Variants in GMCL1 observed in about 807,000 individuals in gnomAD.
GMCL1 encodes the protein germ cell-less protein-like 1.
A neutral mutation model predicts 75.5 loss-of-function variants in GMCL1; 54 were observed. The ratio of observed to expected loss-of-function variants is 0.71; its 90% CI spans 0.57 to 0.90. GMCL1 has a LOEUF of 0.90. Ranked by LOEUF, GMCL1 falls within the 40% of genes least tolerant of loss-of-function variation. The pLI is 0.00. For synonymous variants in GMCL1, 210 were observed against 209.6 expected (o/e 1.00, Z -0.02); for missense variants, 537 against 622.7 (o/e 0.86, Z 1.47).
intron 1 of GMCL1, among the ~76,000 whole-genome samples, chr2:69,836,215 G>A (rs531667183): frequency 1.3e-5 from 2 of 152,170 alleles, no homozygotes; most frequent in Non-Finnish European, 2.9e-5. Flanking sequence ...TTTTTTGGCT[G>A]TGGCTGTCAC....
intron 13 of GMCL1, among the ~76,000 whole-genome samples, 190 bp from the exon 14 acceptor site, chr2:69,878,719 T>C (rs1321592379): frequency 6.6e-6 from 1 of 152,188 alleles, no homozygotes; most frequent in Non-Finnish European, 1.5e-5. Flanking sequence ...CAGGTACTCT[T>C]ACTGTCCCCA....
At chr2:69,845,934 C>T (rs1205869827) in intron 6 of GMCL1, among the ~76,000 whole-genome samples, 1 of 150,414 alleles carries the variant, frequency 6.6e-6, no homozygotes, top group African/African-American at 2.4e-5. Context: ...TACATAGCTT[C>T]CCAGAATGTG....
chr2:69,850,659 A>G (rs1273823439), intron 8 of GMCL1, among the ~76,000 whole-genome samples: 1 of 152,186 alleles, frequency 6.6e-6, no homozygotes, highest in East Asian at 1.9e-4. Flanking sequence ...TGCACCATGT[A>G]TATACGTCTT....
chr2:69,834,399 A>G (rs1674758842), intron 1 of GMCL1, among the ~76,000 whole-genome samples: 1 of 152,186 alleles, frequency 6.6e-6, no homozygotes, highest in Non-Finnish European at 1.5e-5. Flanking sequence ...TTTAGGAACT[A>G]TTTAATACAT....
At chr2:69,869,520 T>A (rs1675923563) in intron 11 of GMCL1, 199 bp from the exon 12 acceptor site, 1 of 505,474 alleles carries the variant, frequency 2.0e-6, no homozygotes, top group Non-Finnish European at 3.5e-6. Flanking sequence ...TAGAGAATTA[T>A]GATCATTAAG....
At chr2:69,833,791 A>G (rs961951686) in intron 1 of GMCL1, among the ~76,000 whole-genome samples, 5 of 152,152 alleles carry the variant, frequency 3.3e-5, no homozygotes, top group Admixed American at 1.3e-4. Context: ...TGTCAACTGC[A>G]TGTTCTACTT....
At chr2:69,849,290 C>T (rs1441597111) in intron 7 of GMCL1, among the ~76,000 whole-genome samples, 1 of 152,134 alleles carries the variant, frequency 6.6e-6, no homozygotes, top group African/African-American at 2.4e-5. Flanking sequence ...TCACCTCAGC[C>T]TCTTGAGTAG....
chr2:69,853,489 G>T (rs1482664936), intron 8 of GMCL1, among the ~76,000 whole-genome samples: 1 of 152,128 alleles, frequency 6.6e-6, no homozygotes, highest in African/African-American at 2.4e-5. Context: ...ACACCTTCTG[G>T]TCTACAGAAA....
chr2:69,876,152 A>T (rs1057460822), intron 13 of GMCL1, among the ~76,000 whole-genome samples: 1 of 152,208 alleles, frequency 6.6e-6, no homozygotes, highest in Non-Finnish European at 1.5e-5. Context: ...TCAGACAGCA[A>T]TGTGTAGGAA....
chr2:69,847,526 C>G lies in GMCL1; in HGVS notation c.759-17C>G, dbSNP rs1284594966. ...GTGCCTAAAGATAAGCTCACTCCCT[C>G]TATTTATCCTTTTCAGTATAAATGT... is the stretch of plus-strand genomic sequence containing the variant. On this transcript the variant is annotated splice_polypyrimidine_tract_variant and intron_variant, in intron 6 of 13. Coordinates refer to ENST00000282570, the MANE Select transcript of GMCL1 (RefSeq NM_178439.5). 2 of 1,503,610 alleles carry G rather than the reference C, an allele frequency of 1.3e-6. No individual in the cohort carries two copies. The highest frequency in any genetic ancestry group is 1.7e-5 in the Admixed American group (1 of 59,814). The allele number at this position is 1,503,610 out of a possible 1,614,324, so 93.1% of individuals were successfully genotyped here.
intron 13 of GMCL1, among the ~76,000 whole-genome samples, chr2:69,876,761 A>T (rs1271209865): frequency 1.3e-5 from 2 of 152,148 alleles, no homozygotes; most frequent in Non-Finnish European, 2.9e-5. Context: ...GACCAAGGCC[A>T]GAGGATTGCT....
At position 69,854,847 on chromosome 2, in the gene GMCL1, A is replaced by G. The variant is rs1207954022; in HGVS notation, c.959A>G (p.Glu320Gly). 1 of 1,610,300 alleles carries G rather than the reference A, an allele frequency of 6.2e-7. No homozygotes were observed. ...GATTTTGAAGGTATGGCCTTTCTTGAAACTGAACAAGGAAAACCATTTGTG... is the reference window on the plus strand; with the variant it reads ...GATTTTGAAGGTATGGCCTTTCTTGGAACTGAACAAGGAAAACCATTTGTG... ...RKDFEGMAFL[E>G]TEQGKPFVSV... The change falls in exon 9 of 14, where the codon GAA becomes GGA. Residue 320 changes from glutamate (E) to glycine (G), a missense_variant. Glu to Gly is a moderately conservative substitution (Grantham distance 98). This residue lies in a region of GMCL1 where 345 missense variants were observed against 410.5 expected (regional missense o/e 0.84). Coordinates refer to ENST00000282570, the MANE Select transcript of GMCL1 (RefSeq NM_178439.5).
At chr2:69,858,403 A>G (rs1675542286) in intron 9 of GMCL1, among the ~76,000 whole-genome samples, 1 of 152,200 alleles carries the variant, frequency 6.6e-6, no homozygotes, top group African/African-American at 2.4e-5. Flanking sequence ...AATTTAGTCT[A>G]CTTAGTCAAA....
chr2:69,843,511 G>A (rs566772408), intron 5 of GMCL1, among the ~76,000 whole-genome samples: 7 of 152,250 alleles, frequency 4.6e-5, no homozygotes, highest in Middle Eastern at 3.4e-3. Flanking sequence ...CACCTTGGTC[G>A]GGTGTGGTGG....
Position 69,871,845 on chromosome 2 carries a change from A to G in GMCL1, c.1452+13A>G. On this transcript the variant is annotated intron_variant, in intron 13 of 13. Coordinates refer to ENST00000282570, the MANE Select transcript of GMCL1 (RefSeq NM_178439.5). ...TGAAAAGGATCAGGTATGTTCGATT[A>G]TCTTCTGGTATGTCATCATAATATT... The G allele has an allele frequency of 1.4e-6, 2 of 1,404,930 alleles. No homozygotes were observed. Among genetic ancestry groups the G allele is most frequent in the Non-Finnish European group, 9.9e-7 (1 of 1,006,062 alleles). The allele number at this position is 1,404,930 out of a possible 1,614,324, so 87.0% of individuals were successfully genotyped here.
chr2:69,863,883 C>T (rs1675729359), intron 10 of GMCL1, among the ~76,000 whole-genome samples: 1 of 152,116 alleles, frequency 6.6e-6, no homozygotes. Context: ...CTGTTATGCT[C>T]CAGTTCCTTT....
rs1280505957 is a variant in GMCL1, at chr2:69,881,196, T to G, written c.*2192T>G. ...TGTCATCCATAGACAGGATAATTCTTTCTTCAATCACAAGTAGGTTAATGT... is the reference window on the plus strand; with the variant it reads ...TGTCATCCATAGACAGGATAATTCTGTCTTCAATCACAAGTAGGTTAATGT... On this transcript the variant is annotated 3_prime_UTR_variant, in exon 14 of 14. Transcript: ENST00000282570. The G allele has an allele frequency of 6.6e-6, 1 of 152,238 alleles. No individual in the cohort carries two copies. Among genetic ancestry groups the G allele is most frequent in the South Asian group, 2.1e-4 (1 of 4,832 alleles). The allele number at this position is 152,238 out of a possible 1,614,324, so 9.4% of individuals were successfully genotyped here.
At position 69,830,165 on chromosome 2, in the gene GMCL1, ACGCACCCGCGCGGACC is replaced by A; in HGVS notation, c.260+16_260+31del. 1 of 1,552,416 alleles carries A rather than the reference ACGCACCCGCGCGGACC, an allele frequency of 6.4e-7. No individual in the cohort carries two copies. Among genetic ancestry groups the A allele is most frequent in the Non-Finnish European group, 8.7e-7 (1 of 1,148,214 alleles). Reference sequence around the variant, plus strand: ...ACACCCCTCGAAGGTACGTGGGGGCACGCACCCGCGCGGACCCGGACCCGCACCTGTTGGGCCTGGG... The same window carrying A: ...ACACCCCTCGAAGGTACGTGGGGGCACGGACCCGCACCTGTTGGGCCTGGG... On this transcript the variant is annotated intron_variant, in intron 1 of 13. Transcript: ENST00000282570.
chr2:69,830,872 T>G (rs1674653101), intron 1 of GMCL1, among the ~76,000 whole-genome samples: 1 of 152,124 alleles, frequency 6.6e-6, no homozygotes, highest in Admixed American at 6.5e-5. Context: ...TTTTTCTGCT[T>G]TTGTTTTTAA....
Sources: gnomAD v4.1 joint callset for allele counts (sites outside exome capture counted in the v4.1 genomes callset) on GRCh38, gnomAD v4.1.1 for gene constraint, gnomAD v4.1.1 regional missense constraint, MANE v1.5 for transcripts, NCBI Gene and HGNC (gene_info 2026-07-23, HGNC 2026-07-21) for gene names.